Variants in GFM2 observed in about 807,000 individuals in gnomAD.
GFM2 encodes ribosome-releasing factor 2, mitochondrial.
GFM2 carries 72 observed loss-of-function variants against 95.4 expected under a neutral mutation model. The ratio of observed to expected loss-of-function variants is 0.76; its 90% confidence interval spans 0.62 to 0.92. The LOEUF (loss-of-function observed/expected upper bound fraction) is 0.92. Among genes scored for constraint, GFM2 ranks in the 40% least tolerant of loss-of-function variants. GFM2 has a pLI of 0.00. For synonymous variants in GFM2, 276 were observed against 317.5 expected, an observed-to-expected ratio of 0.87 and a Z score of 1.39; for missense variants, 825 against 924.1, an observed-to-expected ratio of 0.89 and a Z score of 1.39.
chr5:74,725,303 C>T (rs1418930014), intron 19 of GFM2: 1 of 202,578 alleles, frequency 4.9e-6, no homozygotes, highest in African/African-American at 2.3e-5. Flanking sequence ...AAGCTAACCT[C>T]AAATCTGGCT....
intron 20 of GFM2, 182 bp downstream of exon 20, chr5:74,722,197 G>T: frequency 1.7e-6 from 1 of 605,878 alleles, no homozygotes; most frequent in Non-Finnish European, 2.9e-6. Context: ...TATAATCCCT[G>T]GATTTCGCCA....
At chr5:74,765,748 G>C (rs1294381038) in intron 1 of GFM2, among the ~76,000 whole-genome samples, 1 of 151,966 alleles carries the variant, frequency 6.6e-6, no homozygotes, top group Non-Finnish European at 1.5e-5. Flanking sequence ...TGTAATTCCA[G>C]CACTTTGGGA....
At chr5:74,722,082 C>A (rs945732315) in intron 20 of GFM2, among the ~76,000 whole-genome samples, 1 of 152,040 alleles carries the variant, frequency 6.6e-6, no homozygotes, top group African/African-American at 2.4e-5. Context: ...TGATAACTTG[C>A]CTTAAAACTG....
At chr5:74,752,908 T>C (rs1045192413) in intron 5 of GFM2, among the ~76,000 whole-genome samples, 2 of 152,112 alleles carry the variant, frequency 1.3e-5, no homozygotes, top group Admixed American at 6.5e-5. Flanking sequence ...ATCTGAACAG[T>C]AGCCCTTAAG....
chr5:74,732,935 C>G (rs1742646792), intron 16 of GFM2, 87 bp downstream of exon 16: 1 of 235,854 alleles, frequency 4.2e-6, no homozygotes, highest in Non-Finnish European at 7.8e-6. Context: ...TAGACACACA[C>G]ACACACACAC....
intron 5 of GFM2, among the ~76,000 whole-genome samples, chr5:74,758,381 AC>A (rs1404785826): frequency 1.3e-5 from 2 of 152,190 alleles, no homozygotes; most frequent in Non-Finnish European, 2.9e-5. Context: ...CTTAGGTGAC[AC>A]CTGGAAGCTA....
In GFM2 at chr5:74,725,923, C is replaced by G. The variant is rs1750125130; in HGVS notation, c.1912+18G>C. 1 of 1,597,940 alleles carries G rather than the reference C, an allele frequency of 6.3e-7. No homozygotes were observed. Among genetic ancestry groups the G allele is most frequent in the Non-Finnish European group, 8.5e-7 (1 of 1,170,828 alleles). ...GTTGAGTGGGATACTAATGCTTACT[C>G]TCATTTGAGTGTCTTACCTTGGAGA... On this transcript the variant is annotated intron_variant, in intron 18 of 20. Transcript: ENST00000296805.
At chr5:74,747,491 C>T (rs1413784894) in intron 8 of GFM2, among the ~76,000 whole-genome samples, 2 of 152,154 alleles carry the variant, frequency 1.3e-5, no homozygotes, top group Admixed American at 6.5e-5. Context: ...CATCTATCAG[C>T]TATTACTCCC....
At chr5:74,756,646 A>G (rs1743999293) in intron 5 of GFM2, among the ~76,000 whole-genome samples, 1 of 147,908 alleles carries the variant, frequency 6.8e-6, no homozygotes, top group South Asian at 2.1e-4. Context: ...CATTCCCACT[A>G]ACAGTGTAAA....
chr5:74,743,882 T>C (rs534607517), intron 10 of GFM2, among the ~76,000 whole-genome samples: 4 of 152,266 alleles, frequency 2.6e-5, no homozygotes, highest in Admixed American at 6.5e-5. Flanking sequence ...ATCTGTAAAA[T>C]AGGGACAATA....
intron 10 of GFM2, among the ~76,000 whole-genome samples, chr5:74,743,607 C>A (rs1392463565): frequency 6.6e-6 from 1 of 152,124 alleles, no homozygotes; most frequent in East Asian, 1.9e-4. Flanking sequence ...GTGTTGGCTC[C>A]TCAACTAGAT....
chr5:74,761,028 G>A (rs1204683324), intron 2 of GFM2, 42 bp from the exon 3 acceptor site: 1 of 1,113,660 alleles, frequency 9.0e-7, no homozygotes, highest in Non-Finnish European at 1.4e-6. Context: ...TTTTATTTTA[G>A]CATCACTTAT....
At chr5:74,753,339 T>G (rs1743812627) in intron 5 of GFM2, among the ~76,000 whole-genome samples, 1 of 152,192 alleles carries the variant, frequency 6.6e-6, no homozygotes, top group Non-Finnish European at 1.5e-5. Flanking sequence ...GGCTCACACC[T>G]GTAATCCCAG....
At chr5:74,747,892 G>C in intron 7 of GFM2, 112 bp from the exon 8 acceptor site, 1 of 611,144 alleles carries the variant, frequency 1.6e-6, no homozygotes, top group Non-Finnish European at 2.9e-6. Flanking sequence ...CCCTATTCTA[G>C]CAGAGAATTA....
chr5:74,724,651 G>A (rs1193653091), intron 19 of GFM2, among the ~76,000 whole-genome samples: 2 of 152,082 alleles, frequency 1.3e-5, no homozygotes, highest in Non-Finnish European at 2.9e-5. Context: ...TTAAACTCAT[G>A]TCGAAGAGAT....
chr5:74,738,397 A>G lies in GFM2; in HGVS notation c.1241T>C (p.Leu414Pro). 6.2e-7 allele frequency: 1 copy of G among 1,613,636 alleles called. No individual in the cohort carries two copies. The stretch of plus-strand genomic sequence containing the variant: ...TACATGTTGGTCAGCAAACGGCAAA[A>G]GCAGACGACTTATTCTCTCCCTGTA... ...GNCTERISRL[L>P]LPFADQHVEI... The change falls in exon 14 of 21, where the codon CTT becomes CCT. Residue 414 changes from leucine (L) to proline (P), a missense_variant. By Grantham distance (98) the Leu-to-Pro change is moderately conservative (BLOSUM62 -3). Transcript: ENST00000296805.
intron 6 of GFM2, 46 bp from the exon 7 acceptor site, chr5:74,750,713 A>G: frequency 7.3e-7 from 1 of 1,364,926 alleles, no homozygotes; most frequent in South Asian, 1.2e-5. Flanking sequence ...TAACAAAACC[A>G]TCATATGATC....
At chr5:74,722,935 A>T (rs1199206159) in intron 19 of GFM2, among the ~76,000 whole-genome samples, 1 of 151,862 alleles carries the variant, frequency 6.6e-6, no homozygotes, top group Non-Finnish European at 1.5e-5. Flanking sequence ...GGGAGAGCTT[A>T]AAAAAAAGGA....
Position 74,721,459 on chromosome 5 carries a change from A to C in GFM2, c.*196T>G. ...CAGGTACAGTGGCTTTAAACATCAA[A>C]GCACATTTCTCATTATATAAATTAA... On this transcript the variant is annotated 3_prime_UTR_variant, in exon 21 of 21. Coordinates refer to ENST00000296805, the MANE Select transcript of GFM2 (RefSeq NM_032380.5). The C allele has an allele frequency of 1.4e-6, 1 of 712,496 alleles. No homozygotes were observed. The highest frequency in any genetic ancestry group is 2.4e-6 in the Non-Finnish European group (1 of 410,162). The allele number at this position is 712,496 out of a possible 1,614,324, so 44.1% of individuals were successfully genotyped here.
Sources: gnomAD v4.1 joint callset for allele counts (sites outside exome capture counted in the v4.1 genomes callset) on GRCh38, gnomAD v4.1.1 for gene constraint, MANE v1.5 for transcripts, NCBI Gene and HGNC (gene_info 2026-07-23, HGNC 2026-07-21) for gene names.